The following USP25 variants were observed in gnomAD, a reference collection of about 807,000 sequenced individuals.
USP25 encodes the protein ubiquitin specific peptidase 25.
In USP25, 85 loss-of-function variants were observed where a neutral mutation model predicts 158.5. That is an observed-to-expected ratio of 0.54 (90% CI 0.45 to 0.64). The LOEUF (loss-of-function observed/expected upper bound fraction) is 0.64, where lower values mean the gene tolerates loss of function less well. Among genes scored for constraint, USP25 ranks in the 30% least tolerant of loss-of-function variants. The probability of loss-of-function intolerance (pLI) is 0.00; values close to 1 mark genes in which losing one functional copy is unlikely to be tolerated. For synonymous variants in USP25, 464 were observed against 460.4 expected, an observed-to-expected ratio of 1.01 and a Z score of -0.10; for missense variants, 1,242 against 1,327.3, an observed-to-expected ratio of 0.94 and a Z score of 1.00.
At chr21:15,873,791 C>A (rs2039990592) in intron 23 of USP25, among the ~76,000 whole-genome samples, 1 of 152,170 alleles carries the variant, frequency 6.6e-6, no homozygotes, top group Admixed American at 6.5e-5. Flanking sequence ...CCGCACCCGG[C>A]CTCTATCAGC....
At chr21:15,831,312 C>T (rs956190712) in intron 15 of USP25, 89 bp from the exon 16 acceptor site, 2 of 1,263,460 alleles carry the variant, frequency 1.6e-6, no homozygotes, top group Non-Finnish European at 2.3e-6. Flanking sequence ...TTATGGTTTT[C>T]TCCAAACAGG....
At chr21:15,805,020 C>T (rs1387130688) in intron 6 of USP25, 101 bp from the exon 7 acceptor site, 1 of 1,210,076 alleles carries the variant, frequency 8.3e-7, no homozygotes, top group African/African-American at 1.6e-5. Flanking sequence ...ACTATATTGG[C>T]TAGTTTAATT....
chr21:15,819,064 G>T (rs1385567741), intron 10 of USP25, among the ~76,000 whole-genome samples: 1 of 152,110 alleles, frequency 6.6e-6, no homozygotes, highest in Non-Finnish European at 1.5e-5. Context: ...ATTTATCTCA[G>T]AATTTTAAAA....
At chr21:15,800,785 C>T (rs1041445117) in intron 6 of USP25, among the ~76,000 whole-genome samples, 3 of 151,284 alleles carry the variant, frequency 2.0e-5, no homozygotes, top group Non-Finnish European at 4.4e-5. Flanking sequence ...ATTATGTTTT[C>T]GTTTTAGCGT....
At position 15,866,072 on chromosome 21, in the gene USP25, C is replaced by G. The variant is rs1345644030; in HGVS notation, c.2727-194C>G. Among the ~76,000 whole-genome samples the G allele has an allele frequency of 3.3e-5, 5 of 152,092 alleles. No individual in the cohort carries two copies. In the East Asian group the frequency reaches 7.7e-4, roughly 23 times the overall value. On this transcript the variant is annotated intron_variant, in intron 21 of 25. Coordinates refer to ENST00000400183, the MANE Select transcript of USP25 (RefSeq NM_001283041.3). ...GTAAATTTGAATTAGAATTATTGCT[C>G]CTGTCTTCTTTGTAATTCCCCAACA...
At chr21:15,864,193 T>TA in intron 20 of USP25, 75 bp from the exon 21 acceptor site, 1 of 1,436,196 alleles carries the variant, frequency 7.0e-7, no homozygotes, top group Non-Finnish European at 9.5e-7. Flanking sequence ...CAAGAAGAAT[T>TA]AAACTCATAA....
intron 1 of USP25, among the ~76,000 whole-genome samples, chr21:15,743,132 C>T (rs928750811): frequency 6.6e-6 from 1 of 152,220 alleles, no homozygotes; most frequent in African/African-American, 2.4e-5. Flanking sequence ...TCCTGCTGCG[C>T]ATGGCTTTGT....
At chr21:15,812,434 G>T (rs1049749419) in intron 9 of USP25, among the ~76,000 whole-genome samples, 4 of 152,118 alleles carry the variant, frequency 2.6e-5, no homozygotes, top group African/African-American at 9.7e-5. Context: ...GGATCATGAG[G>T]TCAGGAGATC....
chr21:15,859,593 G>A (rs553136451), intron 20 of USP25, among the ~76,000 whole-genome samples: 87 of 152,094 alleles, frequency 5.7e-4, no homozygotes, highest in African/African-American at 2.1e-3. Context: ...AAAACATCGT[G>A]GGCTTGATAT....
At chr21:15,852,535 T>C (rs2038936709) in intron 20 of USP25, among the ~76,000 whole-genome samples, 1 of 152,166 alleles carries the variant, frequency 6.6e-6, no homozygotes. Context: ...TTAGCTGTTA[T>C]TGTTGTTAGT....
At chr21:15,772,108 A>G (rs1361819301) in intron 3 of USP25, among the ~76,000 whole-genome samples, 2 of 152,180 alleles carry the variant, frequency 1.3e-5, no homozygotes, top group African/African-American at 4.8e-5. Flanking sequence ...CCTATTTAAT[A>G]TAATATTTTC....
At chr21:15,834,115 C>T (rs2037943329) in intron 17 of USP25, among the ~76,000 whole-genome samples, 2 of 151,996 alleles carry the variant, frequency 1.3e-5, no homozygotes, top group Non-Finnish European at 1.5e-5. Flanking sequence ...GTGTATAGAC[C>T]TGTAAACCAA....
rs1025558967 is a variant in USP25, at chr21:15,740,656, T to G, written c.45+10218T>G. Among the ~76,000 whole-genome samples, 1,134 of 130,448 alleles carry G rather than the reference T, an allele frequency of 8.7e-3. 13 individuals carry two copies. The highest frequency in any genetic ancestry group is 0.036 in the African/African-American group (979 of 26,992). The allele number at this position is 130,448 out of a possible 152,430, so 85.6% of individuals were successfully genotyped here. A position where few individuals can be genotyped will look rare whatever the true frequency, so the allele number is the denominator to read the frequency against. On this transcript the variant is annotated intron_variant, in intron 1 of 25. Coordinates refer to ENST00000400183, the MANE Select transcript of USP25 (RefSeq NM_001283041.3). ...CTTTCTGGCTGTTTTTTTTTTTTTT[T>G]TTTTTTTTTTTTTTTTTTGGTATGT...
chr21:15,821,360 C>T (rs963637464), intron 10 of USP25, among the ~76,000 whole-genome samples: 3 of 151,954 alleles, frequency 2.0e-5, no homozygotes, highest in South Asian at 2.1e-4. Flanking sequence ...GGCAGTAACT[C>T]GAAAAAGAAC....
At chr21:15,853,444 A>G (rs1247921232) in intron 20 of USP25, among the ~76,000 whole-genome samples, 1 of 152,012 alleles carries the variant, frequency 6.6e-6, no homozygotes, top group Non-Finnish European at 1.5e-5. Context: ...TGTGTCCTAT[A>G]TTTTCTCCCA....
intron 9 of USP25, among the ~76,000 whole-genome samples, chr21:15,813,987 G>A (rs1250935938): frequency 6.6e-6 from 1 of 151,388 alleles, no homozygotes; most frequent in African/African-American, 2.4e-5. Context: ...GGGACCCAGG[G>A]GGAGGTAATT....
chr21:15,852,032 T>C (rs1440464276), intron 20 of USP25, among the ~76,000 whole-genome samples: 1 of 152,146 alleles, frequency 6.6e-6, no homozygotes, highest in Middle Eastern at 3.2e-3. Flanking sequence ...AAATAAGTTA[T>C]GTTATATTGC....
intron 23 of USP25, among the ~76,000 whole-genome samples, chr21:15,873,008 T>A (rs1407800973): frequency 6.6e-6 from 1 of 152,198 alleles, no homozygotes; most frequent in Non-Finnish European, 1.5e-5. Flanking sequence ...TTATTTCAGT[T>A]ATACAAATAC....
intron 1 of USP25, among the ~76,000 whole-genome samples, chr21:15,731,109 C>A (rs2123122093): frequency 6.7e-6 from 1 of 149,522 alleles, no homozygotes; most frequent in Middle Eastern, 3.4e-3. Flanking sequence ...TTTACTCTTG[C>A]ATCAGTCACA....
Sources: gnomAD v4.1 joint callset for allele counts (sites outside exome capture counted in the v4.1 genomes callset) on GRCh38, gnomAD v4.1.1 for gene constraint, MANE v1.5 for transcripts, NCBI Gene and HGNC (gene_info 2026-07-23, HGNC 2026-07-21) for gene names.